Variants in SLC12A1 observed in about 807,000 individuals in gnomAD.
SLC12A1 encodes the protein solute carrier family 12 member 1.
In SLC12A1, 89 loss-of-function variants were observed where a neutral mutation model predicts 130.4. That is an observed-to-expected ratio of 0.68 (90% CI 0.58 to 0.81). SLC12A1 has a LOEUF of 0.81. Among genes scored for constraint, SLC12A1 ranks in the 40% least tolerant of loss-of-function variants. SLC12A1 has a pLI of 0.00. For missense variants in SLC12A1, 1,310 were observed against 1,336.4 expected (o/e 0.98, Z 0.31); for synonymous variants, 499 against 460.0 (o/e 1.08, Z -1.09).
At position 48,244,761 on chromosome 15, in the gene SLC12A1, G is replaced by A; in HGVS notation, c.1309G>A (p.Val437Met). The A allele has an allele frequency of 6.2e-7, 1 of 1,613,946 alleles. No homozygotes were observed. Among genetic ancestry groups the A allele is most frequent in the South Asian group, 1.1e-5 (1 of 91,068 alleles). ...LGVAICVGAC[V>M]VRDATGNMND... The stretch of plus-strand genomic sequence containing the variant: ...CACGGTTGTTTCCACAGGGGCCTGT[G>A]TGGTCCGAGATGCCACCGGGAACAT... Residue 437 changes from valine (V) to methionine (M), a missense_variant, in exon 11 of 27, where the codon GTG becomes ATG. Transcript: ENST00000380993.
chr15:48,253,233 T>C (rs1339819671), intron 15 of SLC12A1, among the ~76,000 whole-genome samples: 3 of 152,220 alleles, frequency 2.0e-5, no homozygotes, highest in Non-Finnish European at 1.5e-5. Context: ...TCAGCCCTTT[T>C]AAATGTGCTG....
chr15:48,240,109 A>ATC (rs1482566313), intron 9 of SLC12A1, among the ~76,000 whole-genome samples: 2 of 123,914 alleles, frequency 1.6e-5, no homozygotes, highest in African/African-American at 3.5e-5. Context: ...ATATATATAT[A>ATC]TCCATATATA....
chr15:48,258,164 A>G (rs2041730028), intron 16 of SLC12A1, among the ~76,000 whole-genome samples: 2 of 73,240 alleles, frequency 2.7e-5, no homozygotes, highest in African/African-American at 2.2e-4. Context: ...GATCGAGACC[A>G]TCCCGGCTAA....
chr15:48,297,331 C>T (rs1161311838), intron 24 of SLC12A1, among the ~76,000 whole-genome samples: 1 of 152,158 alleles, frequency 6.6e-6, no homozygotes, highest in Non-Finnish European at 1.5e-5. Context: ...CTGTGGTCAG[C>T]ATAGTTGTGG....
At chr15:48,235,111 A>T in intron 9 of SLC12A1, 107 bp downstream of exon 9, 2 of 1,164,294 alleles carry the variant, frequency 1.7e-6, no homozygotes, top group Non-Finnish European at 2.6e-6. Context: ...ACAGATTCAA[A>T]CTGTAGGTTT....
chr15:48,292,891 C>T (rs1260522800), intron 24 of SLC12A1, among the ~76,000 whole-genome samples: 1 of 152,118 alleles, frequency 6.6e-6, no homozygotes, highest in Non-Finnish European at 1.5e-5. Context: ...AAGCATTCAG[C>T]TTATAACAAT....
intron 17 of SLC12A1, among the ~76,000 whole-genome samples, chr15:48,260,402 A>C (rs1408140764): frequency 6.6e-6 from 1 of 150,850 alleles, no homozygotes; most frequent in Non-Finnish European, 1.5e-5. Context: ...ATTCTCAGCT[A>C]TCAATGCATT....
chr15:48,208,237 A>G, intron 2 of SLC12A1, 98 bp downstream of exon 2: 2 of 1,214,078 alleles, frequency 1.6e-6, no homozygotes, highest in Non-Finnish European at 2.3e-6. Context: ...GAAACAGTCA[A>G]ATGGAGAGGT....
At chr15:48,238,740 G>A (rs2041467541) in intron 9 of SLC12A1, among the ~76,000 whole-genome samples, 1 of 152,116 alleles carries the variant, frequency 6.6e-6, no homozygotes, top group African/African-American at 2.4e-5. Context: ...CACACTATAG[G>A]ATAGGAAAGA....
At position 48,251,685 on chromosome 15, in the gene SLC12A1, C is replaced by G; in HGVS notation, c.1857C>G (p.Val619=). The stretch of plus-strand genomic sequence containing the variant: ...TTGGAGCTGTTTTGTGCTGTGCAGT[C>G]ATGTTTGTCATCAACTGGTGGGCAG... ...SLFGAVLCCA[V]MFVINWWAAV... Residue 619 remains valine (V), a synonymous_variant, in exon 15 of 27, where the codon GTC becomes GTG. Transcript: ENST00000380993. 6.2e-7 allele frequency: 1 copy of G among 1,613,192 alleles called. No individual in the cohort carries two copies. The highest frequency in any genetic ancestry group is 8.5e-7 in the Non-Finnish European group (1 of 1,179,224).
At chr15:48,212,550 C>T (rs1199807188) in intron 2 of SLC12A1, among the ~76,000 whole-genome samples, 3 of 152,166 alleles carry the variant, frequency 2.0e-5, no homozygotes, top group African/African-American at 7.2e-5. Context: ...GAGAATTTTG[C>T]TTTCAGTATC....
intron 7 of SLC12A1, among the ~76,000 whole-genome samples, chr15:48,231,727 A>G (rs1389397109): frequency 1.3e-5 from 2 of 152,236 alleles, no homozygotes; most frequent in Non-Finnish European, 2.9e-5. Context: ...AGCTGTTATT[A>G]TTTAAATGGG....
Position 48,207,908 on chromosome 15 carries a change from G to A in SLC12A1, c.189G>A (p.Arg63=), listed in dbSNP as rs35240149. 2.3e-4 allele frequency: 378 copies of A among 1,613,986 alleles called. 1 individual carries two copies. The African/African-American group carries it at 4.8e-3, about 20-fold the overall frequency. ...EAQKRLRISF[R]PGNQECYDNF... ...AGAAAAGACTCAGAATCAGCTTTAG[G>A]CCTGGGAATCAGGAGTGCTATGACA... The change falls in exon 2 of 27, where the codon AGG becomes AGA. Residue 63 remains arginine (R), a synonymous_variant. Transcript: ENST00000380993.
intron 18 of SLC12A1, among the ~76,000 whole-genome samples, chr15:48,269,111 T>G (rs181435526): frequency 6.6e-6 from 1 of 152,322 alleles, no homozygotes; most frequent in Non-Finnish European, 1.5e-5. Flanking sequence ...TGTCATCTAA[T>G]GAAGGGAAAC....
Position 48,207,643 on chromosome 15 carries a change from T to C in SLC12A1, c.-77T>C. The C allele has an allele frequency of 7.8e-7, 1 of 1,280,546 alleles. No homozygotes were observed. The highest frequency in any genetic ancestry group is 1.5e-5 in the African/African-American group (1 of 66,720). The allele number at this position is 1,280,546 out of a possible 1,614,324, so 79.3% of individuals were successfully genotyped here. A position where few individuals can be genotyped will look rare whatever the true frequency, so the allele number is the denominator to read the frequency against. ...TCCCTAATGGAAGCACATTAGTGTT[T>C]ATTTTGATGAAGAAATATATAGATT... On this transcript the variant is annotated 5_prime_UTR_variant, in exon 2 of 27. Coordinates refer to ENST00000380993, the MANE Select transcript of SLC12A1 (RefSeq NM_000338.3).
intron 2 of SLC12A1, among the ~76,000 whole-genome samples, chr15:48,212,110 G>A (rs1461553495): frequency 1.3e-5 from 2 of 152,062 alleles, no homozygotes; most frequent in Admixed American, 6.6e-5. Flanking sequence ...CCCTTACAAT[G>A]AGTAAGAATT....
chr15:48,263,253 C>T (rs2141081547), intron 17 of SLC12A1, among the ~76,000 whole-genome samples: 1 of 152,192 alleles, frequency 6.6e-6, no homozygotes, highest in South Asian at 2.1e-4. Flanking sequence ...ATTCCATTGA[C>T]CTGGGATTTG....
At chr15:48,240,072 C>CAT (rs1431987341) in intron 9 of SLC12A1, among the ~76,000 whole-genome samples, 1,721 of 51,592 alleles carry the variant, frequency 0.033, 61 homozygotes, top group East Asian at 0.18. Flanking sequence ...TATATATATC[C>CAT]ATATATATAT....
chr15:48,231,535 T>C (rs2141035652), intron 7 of SLC12A1, among the ~76,000 whole-genome samples: 1 of 152,228 alleles, frequency 6.6e-6, no homozygotes, highest in South Asian at 2.1e-4. Context: ...CCAGCTTATA[T>C]CTCTGCAGCC....
Sources: allele counts gnomAD v4.1 joint callset (sites outside exome capture counted in the v4.1 genomes callset), GRCh38; gene constraint gnomAD v4.1.1; transcripts MANE v1.5; gene names NCBI Gene and HGNC (gene_info 2026-07-23, HGNC 2026-07-21).